Variants in PLCE1 observed in about 807,000 individuals in gnomAD.
PLCE1 encodes the protein 1-phosphatidylinositol 4,5-bisphosphate phosphodiesterase epsilon-1.
Under a neutral mutation model 242.8 loss-of-function variants are expected in PLCE1, and 119 were observed. The observed-to-expected ratio is 0.49, with a 90% CI of 0.42 to 0.57. PLCE1 has a LOEUF of 0.57. PLCE1 is among the 20% of genes least tolerant of loss of function. PLCE1 has a pLI of 0.00. For missense variants in PLCE1, 2,441 were observed against 2,788.8 expected (o/e 0.88, Z 2.81); for synonymous variants, 945 against 1,017.4 (o/e 0.93, Z 1.35).
At chr10:94,294,460 T>A (rs2133466680) in intron 23 of PLCE1, among the ~76,000 whole-genome samples, 1 of 152,290 alleles carries the variant, frequency 6.6e-6, no homozygotes, top group South Asian at 2.1e-4. Flanking sequence ...ATAATCCAAA[T>A]GGGATACAGG....
At chr10:94,108,951 A>C (rs950363396) in intron 2 of PLCE1, 1 of 152,238 alleles carries the variant, frequency 6.6e-6, no homozygotes, top group Non-Finnish European at 1.5e-5. Flanking sequence ...TATTTGATAG[A>C]CTTCCTTTTC....
chr10:94,092,879 T>C (rs1207780003), intron 2 of PLCE1, among the ~76,000 whole-genome samples: 7 of 152,186 alleles, frequency 4.6e-5, no homozygotes, highest in African/African-American at 1.7e-4. Flanking sequence ...TTGCAGATGC[T>C]CAGAATACTC....
Position 94,276,078 on chromosome 10 carries a change from T to A in PLCE1, c.4665+2358T>A, listed in dbSNP as rs2133203273. Among the ~76,000 whole-genome samples, 4 of 152,314 alleles carry A rather than the reference T, an allele frequency of 2.6e-5. No individual in the cohort carries two copies. The Middle Eastern group carries it at 0.01, about 389-fold the overall frequency. ...TGTGAATTTTGTTTCTGTCATCTGG[T>A]ACATTTATTAGCAGTTTCTCAAACT... On this transcript the variant is annotated intron_variant, in intron 19 of 32. Transcript: ENST00000371380.
At chr10:94,005,447 C>G (rs1237947919) in intron 1 of PLCE1, among the ~76,000 whole-genome samples, 1 of 152,146 alleles carries the variant, frequency 6.6e-6, no homozygotes, top group Non-Finnish European at 1.5e-5. Flanking sequence ...ATTCTATATC[C>G]AGGATTTGCC....
intron 1 of PLCE1, among the ~76,000 whole-genome samples, chr10:94,015,111 A>C (rs1324664351): frequency 6.6e-6 from 1 of 152,216 alleles, no homozygotes; most frequent in Admixed American, 6.5e-5. Context: ...ATCTTGGTAC[A>C]TACCTCACCG....
At chr10:94,054,901 A>G (rs764428865) in intron 2 of PLCE1, among the ~76,000 whole-genome samples, 1 of 151,358 alleles carries the variant, frequency 6.6e-6, no homozygotes, top group Non-Finnish European at 1.5e-5. Flanking sequence ...AATCCCAGCT[A>G]TTCAGGAAGC....
intron 2 of PLCE1, among the ~76,000 whole-genome samples, chr10:94,084,544 T>C (rs12569591): frequency 0.18 from 27,576 of 152,206 alleles, 3,088 homozygotes; most frequent in Non-Finnish European, 0.25. Context: ...TGTCTTGAGC[T>C]ACAGTTTAAT....
intron 22 of PLCE1, among the ~76,000 whole-genome samples, chr10:94,287,936 G>A (rs996185799): frequency 6.6e-6 from 1 of 151,754 alleles, no homozygotes; most frequent in Non-Finnish European, 1.5e-5. Context: ...TTCCAAGGAC[G>A]GGGTCCTTGG....
intron 2 of PLCE1, among the ~76,000 whole-genome samples, chr10:94,057,624 G>A (rs1259059292): frequency 1.3e-5 from 2 of 152,130 alleles, no homozygotes; most frequent in Non-Finnish European, 2.9e-5. Context: ...ACGAAACTGT[G>A]TCCTTTGCTA....
intron 3 of PLCE1, among the ~76,000 whole-genome samples, chr10:94,142,391 T>C (rs1359748803): frequency 1.3e-5 from 2 of 148,978 alleles, no homozygotes; most frequent in African/African-American, 4.9e-5. Flanking sequence ...TGGTGGTGTG[T>C]GCCTGTGGTC....
intron 3 of PLCE1, among the ~76,000 whole-genome samples, chr10:94,152,499 A>G (rs188130638): frequency 6.6e-6 from 1 of 152,344 alleles, no homozygotes; most frequent in East Asian, 1.9e-4. Context: ...TCTGGTACCC[A>G]AACTACAACA....
At chr10:94,147,079 A>G (rs996238936) in intron 3 of PLCE1, among the ~76,000 whole-genome samples, 4 of 151,860 alleles carry the variant, frequency 2.6e-5, no homozygotes, top group Non-Finnish European at 5.9e-5. Context: ...CTCCCCCAAC[A>G]GTTAAGTGGC....
At chr10:94,299,919 T>C (rs2052975104) in intron 24 of PLCE1, among the ~76,000 whole-genome samples, 1 of 152,254 alleles carries the variant, frequency 6.6e-6, no homozygotes, top group Non-Finnish European at 1.5e-5. Flanking sequence ...TCATTGATTG[T>C]GTTTGATAAG....
At position 94,254,247 on chromosome 10, in the gene PLCE1, A is replaced by G; in HGVS notation, c.3337A>G (p.Lys1113Glu). The G allele has an allele frequency of 6.2e-7, 1 of 1,614,142 alleles. No individual in the cohort carries two copies. Among genetic ancestry groups the G allele is most frequent in the Non-Finnish European group, 8.5e-7 (1 of 1,179,990 alleles). The change falls in exon 10 of 33, where the codon AAA becomes GAA. Residue 1113 changes from lysine (K) to glutamate (E), a missense_variant. By Grantham distance (56) the Lys-to-Glu change is moderately conservative (BLOSUM62 1). This residue lies in a region of PLCE1 where 1,004 missense variants were observed against 1,322.7 expected (regional missense o/e 0.76). Coordinates refer to ENST00000371380, the MANE Select transcript of PLCE1 (RefSeq NM_016341.4). The stretch of plus-strand genomic sequence containing the variant: ...GGCAACCCGAAAGGCCAAGATGCAC[A>G]AAGAGTGTCGAAGCCGGAGTGGTTC... Reference protein sequence around the residue: ...EMATRKAKMHKECRSRSGSDP... With the variant: ...EMATRKAKMHEECRSRSGSDP...
chr10:94,299,079 A>G (rs2052944816), intron 24 of PLCE1, among the ~76,000 whole-genome samples: 1 of 152,230 alleles, frequency 6.6e-6, no homozygotes, highest in Admixed American at 6.5e-5. Context: ...TTGCAAGTTA[A>G]AACCATGTTA....
chr10:94,175,459 A>G (rs1195136286), intron 4 of PLCE1, among the ~76,000 whole-genome samples: 1 of 152,116 alleles, frequency 6.6e-6, no homozygotes, highest in Non-Finnish European at 1.5e-5. Flanking sequence ...GTAGGTGTAT[A>G]TATTTATGGG....
chr10:94,035,980 G>A (rs1180118541), intron 2 of PLCE1, among the ~76,000 whole-genome samples: 4 of 152,154 alleles, frequency 2.6e-5, no homozygotes, highest in Admixed American at 2.6e-4. Context: ...CATAATGCAA[G>A]CATAATGCCA....
chr10:94,184,976 G>A (rs1168354458), intron 4 of PLCE1, among the ~76,000 whole-genome samples: 4 of 152,216 alleles, frequency 2.6e-5, no homozygotes, highest in Non-Finnish European at 5.9e-5. Context: ...GCTAATTAGT[G>A]TAAATAATTA....
chr10:94,208,716 G>C lies in PLCE1; in HGVS notation c.1810-18590G>C, dbSNP rs185208349. Among the ~76,000 whole-genome samples, 1,025 of 152,298 alleles carry C rather than the reference G, an allele frequency of 6.7e-3. 3 individuals carry two copies. The highest frequency in any genetic ancestry group is 8.7e-3 in the Non-Finnish European group (590 of 68,026). On this transcript the variant is annotated intron_variant, in intron 4 of 32. Transcript: ENST00000371380. ...TCCCCTCCCCAGATCTACTGAATTA[G>C]ACACTAAACTGTGGAGTCTACAATA...
Sources: allele counts gnomAD v4.1 joint callset (sites outside exome capture counted in the v4.1 genomes callset), GRCh38; gene constraint gnomAD v4.1.1; regional missense constraint gnomAD v4.1.1; transcripts MANE v1.5; gene names NCBI Gene and HGNC (gene_info 2026-07-23, HGNC 2026-07-21).